The following CCND3 variants were observed in gnomAD, a reference collection of about 807,000 sequenced individuals.
CCND3 encodes cyclin D3.
Under a neutral mutation model 28.7 loss-of-function variants are expected in CCND3, and 9 were observed. The ratio of observed to expected loss-of-function variants is 0.31; its 90% CI spans 0.19 to 0.55. The LOEUF (loss-of-function observed/expected upper bound fraction) is 0.55, where lower values mean the gene tolerates loss of function less well. CCND3 is among the 20% of genes least tolerant of loss of function. CCND3 has a pLI of 0.93. For missense variants in CCND3, 315 were observed against 385.8 expected (o/e 0.82, Z 1.54); for synonymous variants, 164 against 163.9 (o/e 1.00, Z 0.00).
At chr6:42,043,296 G>A (rs1305126034) in intron 1 of CCND3, among the ~76,000 whole-genome samples, 1 of 152,228 alleles carries the variant, frequency 6.6e-6, no homozygotes, top group Non-Finnish European at 1.5e-5. Context: ...CCAGCACTTC[G>A]GGAGGCCGAG....
chr6:42,040,364 G>C (rs1330271433), intron 1 of CCND3, among the ~76,000 whole-genome samples: 1 of 152,176 alleles, frequency 6.6e-6, no homozygotes, highest in African/African-American at 2.4e-5. Flanking sequence ...GTTGCAGTGA[G>C]CTGAGATCGT....
At chr6:41,976,978 C>T (rs1762201898) in intron 1 of CCND3, among the ~76,000 whole-genome samples, 1 of 152,146 alleles carries the variant, frequency 6.6e-6, no homozygotes, top group Non-Finnish European at 1.5e-5. Flanking sequence ...ATGCAAAGAA[C>T]CGTACAACAG....
intron 1 of CCND3, among the ~76,000 whole-genome samples, chr6:42,011,895 C>T (rs954377942): frequency 2.6e-5 from 4 of 152,224 alleles, no homozygotes; most frequent in African/African-American, 9.6e-5. Flanking sequence ...GAAAATGTCA[C>T]AGGATCATCT....
intron 1 of CCND3, among the ~76,000 whole-genome samples, chr6:42,034,410 A>C (rs1390271071): frequency 6.7e-6 from 1 of 148,598 alleles, no homozygotes; most frequent in Non-Finnish European, 1.5e-5. Context: ...GGCCTCCCAA[A>C]GTGCTGGGAT....
At chr6:41,957,218 C>A (rs1280232072) in intron 1 of CCND3, among the ~76,000 whole-genome samples, 2 of 152,214 alleles carry the variant, frequency 1.3e-5, no homozygotes, top group Non-Finnish European at 2.9e-5. Context: ...CCAGATAGAT[C>A]CAAATCAATG....
chr6:41,999,641 T>A (rs1053069980), intron 1 of CCND3, among the ~76,000 whole-genome samples: 1 of 152,208 alleles, frequency 6.6e-6, no homozygotes, highest in East Asian at 1.9e-4. Context: ...ACACCTATAA[T>A]CCCAGCACTT....
rs536617210 is a variant in CCND3, at chr6:42,048,063, A to C, written c.-46+438T>G. On this transcript the variant is annotated intron_variant, in intron 1 of 4. Transcript: ENST00000372988. The surrounding 1 kb of genome is among the most constrained non-coding windows in gnomAD (Gnocchi z 4.7). The stretch of plus-strand genomic sequence containing the variant: ...GTTGGCACTTCAAGAGACACAGAAG[A>C]AGCTAAGATCATCATCTATGTATCA... 71 of 154,112 alleles carry C rather than the reference A, an allele frequency of 4.6e-4. No individual in the cohort carries two copies. The highest frequency in any genetic ancestry group is 3.7e-3 in the South Asian group (20 of 5,430). 9.5% of individuals were successfully genotyped at this position (154,112 alleles called of 1,614,324 possible).
At chr6:42,027,623 T>C (rs4365924) in intron 1 of CCND3, among the ~76,000 whole-genome samples, 35,399 of 151,870 alleles carry the variant, frequency 0.23, 4,460 homozygotes, top group East Asian at 0.54. Flanking sequence ...ATGGGGAAGG[T>C]GGTAAGGAGG....
rs1339254485 is a variant in CCND3, at chr6:41,987,497, CTCTCTCTCTCTCTCTCTCTCTGTGTG to C, written c.-45-46938_-45-46913del. 8.9e-4 allele frequency among the ~76,000 whole-genome samples: 74 copies of C among 83,064 alleles called. No individual in the cohort carries two copies. The East Asian group carries it at 0.014, about 16-fold the overall frequency. 54.5% of individuals were successfully genotyped at this position (83,064 alleles called of 152,430 possible). ...GGCTTTTCTCTCTCTCTCTCTCTCT[CTCTCTCTCTCTCTCTCTCTCTGTGTG>C]TGTGTGTGTGTGTGTGTGTGTGTGT... On this transcript the variant is annotated intron_variant, in intron 1 of 4. Transcript: ENST00000372988.
chr6:41,955,101 T>C (rs1473313668), intron 1 of CCND3, among the ~76,000 whole-genome samples: 1 of 152,224 alleles, frequency 6.6e-6, no homozygotes, highest in Non-Finnish European at 1.5e-5. Context: ...ACCCACCTGA[T>C]GGGGCAACCT....
intron 1 of CCND3, among the ~76,000 whole-genome samples, chr6:42,003,924 G>A (rs1334240360): frequency 3.1e-5 from 4 of 128,728 alleles, no homozygotes; most frequent in African/African-American, 1.2e-4. Flanking sequence ...GGGCGACAGA[G>A]TGAGACCCTA....
At chr6:41,983,034 G>A (rs2127412968) in intron 1 of CCND3, among the ~76,000 whole-genome samples, 1 of 152,272 alleles carries the variant, frequency 6.6e-6, no homozygotes, top group Non-Finnish European at 1.5e-5. Flanking sequence ...CTTGGGTAGA[G>A]TGATGACTTT....
chr6:42,033,286 T>C (rs995896526), intron 1 of CCND3, among the ~76,000 whole-genome samples: 1 of 151,086 alleles, frequency 6.6e-6, no homozygotes, highest in African/African-American at 2.4e-5. Flanking sequence ...ACCTCCTCTC[T>C]ACAAAAACAC....
chr6:41,973,612 C>T (rs2127408907), intron 1 of CCND3, among the ~76,000 whole-genome samples: 1 of 152,266 alleles, frequency 6.6e-6, no homozygotes, highest in East Asian at 1.9e-4. Context: ...GTTTGATTCC[C>T]AGATCCACCA....
At chr6:42,028,356 T>C (rs1313753909) in intron 1 of CCND3, among the ~76,000 whole-genome samples, 1 of 152,156 alleles carries the variant, frequency 6.6e-6, no homozygotes, top group East Asian at 1.9e-4. Flanking sequence ...GGTTCGGCGA[T>C]GGCCATGCTG....
chr6:41,988,204 G>T (rs1166393433), intron 1 of CCND3, among the ~76,000 whole-genome samples: 1 of 152,006 alleles, frequency 6.6e-6, no homozygotes, highest in Non-Finnish European at 1.5e-5. Flanking sequence ...TACTCGGGAG[G>T]CTGAGGCAGG....
chr6:41,958,000 C>CTTT (rs536258560), intron 1 of CCND3, among the ~76,000 whole-genome samples: 9,678 of 126,978 alleles, frequency 0.076, 1,081 homozygotes, highest in African/African-American at 0.21. Flanking sequence ...TTATCTTTAT[C>CTTT]TTTTTTTTTT....
In CCND3 at chr6:41,993,400, C is replaced by T. The variant is rs921887762; in HGVS notation, c.-45-52815G>A. On this transcript the variant is annotated intron_variant, in intron 1 of 4. Transcript: ENST00000372988. ...CCCATATATCAATATATTTGTTAAG[C>T]TCATGTCTTCTTTTTTTTTTTTTTT... is the stretch of plus-strand genomic sequence containing the variant. 3.5e-5 allele frequency among the ~76,000 whole-genome samples: 5 copies of T among 142,168 alleles called. No individual in the cohort carries two copies. In the Admixed American group the frequency reaches 3.9e-4, roughly 11 times the overall value. The allele number at this position is 142,168 out of a possible 152,430, so 93.3% of individuals were successfully genotyped here. A position where few individuals can be genotyped will look rare whatever the true frequency, so the allele number is the denominator to read the frequency against.
Position 42,000,234 on chromosome 6 carries a change from C to CTTTTTTTTTTTTTTTTTTTTTTTTTTTTT in CCND3, c.-46+48266_-46+48267insAAAAAAAAAAAAAAAAAAAAAAAAAAAAA, listed in dbSNP as rs70987562. On this transcript the variant is annotated intron_variant, in intron 1 of 4. Coordinates refer to the CCND3 transcript ENST00000372988. ...AGTCTCGTGGAAATTTGAAAACATA[C>CTTTTTTTTTTTTTTTTTTTTTTTTTTTTT]TTTTTTTTTTTTTTTTTTTTTTTTT... Among the ~76,000 whole-genome samples, 9 of 51,012 alleles carry CTTTTTTTTTTTTTTTTTTTTTTTTTTTTT rather than the reference C, an allele frequency of 1.8e-4. 3 individuals are homozygous for CTTTTTTTTTTTTTTTTTTTTTTTTTTTTT. Among genetic ancestry groups the CTTTTTTTTTTTTTTTTTTTTTTTTTTTTT allele is most frequent in the African/African-American group, 4.6e-4 (5 of 10,828 alleles). The allele number at this position is 51,012 out of a possible 152,430, so 33.5% of individuals were successfully genotyped here. A position where few individuals can be genotyped will look rare whatever the true frequency, so the allele number is the denominator to read the frequency against.
Sources: allele counts gnomAD v4.1 joint callset (sites outside exome capture counted in the v4.1 genomes callset), GRCh38; gene constraint gnomAD v4.1.1; non-coding constraint Gnocchi (gnomAD v3.1); transcripts MANE v1.5; gene names NCBI Gene and HGNC (gene_info 2026-07-23, HGNC 2026-07-21).